COG6: variants seen among roughly 807,000 people sequenced by gnomAD.
COG6 encodes the protein component of oligomeric golgi complex 6, also known as conserved oligomeric Golgi complex subunit 6.
In COG6, 74 loss-of-function variants were observed where a neutral mutation model predicts 88.8. The ratio of observed to expected loss-of-function variants is 0.83; its 90% CI spans 0.69 to 1.01. The LOEUF (loss-of-function observed/expected upper bound fraction) is 1.01. Ranked by LOEUF, COG6 falls within the 50% of genes least tolerant of loss-of-function variation. COG6 has a pLI of 0.00. For missense variants in COG6, 800 were observed against 797.9 expected, an observed-to-expected ratio of 1.00 and a Z score of -0.03; for synonymous variants, 286 against 278.7, an observed-to-expected ratio of 1.03 and a Z score of -0.26.
chr13:39,757,279 G>A (rs964925774), downstream of COG6, among the ~76,000 whole-genome samples: 11 of 152,134 alleles, frequency 7.2e-5, 1 homozygote, highest in Non-Finnish European at 1.6e-4. Context: ...ACTCTGAGAT[G>A]AAAGTTTGTA....
chr13:39,709,025 G>C (rs2138054811), intron 13 of COG6, among the ~76,000 whole-genome samples: 1 of 152,220 alleles, frequency 6.6e-6, no homozygotes, highest in South Asian at 2.1e-4. Context: ...GGCTCAAGGA[G>C]AAATCCTGGG....
intron 18 of COG6, among the ~76,000 whole-genome samples, chr13:39,734,593 C>G (rs1163916720): frequency 6.6e-6 from 1 of 152,110 alleles, no homozygotes. Context: ...ATGAAATACT[C>G]TACAAATATT....
At chr13:39,776,946 C>A (rs1406600948) in intron 18 of COG6, among the ~76,000 whole-genome samples, 1 of 152,030 alleles carries the variant, frequency 6.6e-6, no homozygotes, top group East Asian at 1.9e-4. Flanking sequence ...TTTGTTCATT[C>A]AGCTTTTCTC....
At chr13:39,666,779 AACTT>A (rs1280481475) in intron 4 of COG6, among the ~76,000 whole-genome samples, 4 of 152,236 alleles carry the variant, frequency 2.6e-5, no homozygotes, top group African/African-American at 7.2e-5. Context: ...TAACCAATGT[AACTT>A]ACTTTTCTGT....
chr13:39,711,885 A>G (rs148088450), intron 13 of COG6, among the ~76,000 whole-genome samples: 1 of 152,274 alleles, frequency 6.6e-6, no homozygotes, highest in Non-Finnish European at 1.5e-5. Flanking sequence ...TTTGAGATTG[A>G]GTCTCGCTCT....
intron 13 of COG6, among the ~76,000 whole-genome samples, chr13:39,708,211 A>T (rs1878047111): frequency 1.3e-5 from 2 of 151,678 alleles, no homozygotes; most frequent in East Asian, 3.8e-4. Flanking sequence ...TGTTGCAGAG[A>T]GTCCTTACTG....
intron 18 of COG6, among the ~76,000 whole-genome samples, chr13:39,762,288 T>C (rs1320052148): frequency 2.0e-5 from 3 of 151,926 alleles, no homozygotes; most frequent in Non-Finnish European, 1.5e-5. Flanking sequence ...CTGCATGTTC[T>C]CACTCAGGTG....
intron 13 of COG6, among the ~76,000 whole-genome samples, chr13:39,705,621 A>T (rs374322182): frequency 6.6e-6 from 1 of 152,166 alleles, no homozygotes; most frequent in African/African-American, 2.4e-5. Context: ...AGTTAATAGT[A>T]GTCAGGATTG....
intron 3 of COG6, among the ~76,000 whole-genome samples, chr13:39,662,229 A>G (rs2137948535): frequency 6.9e-6 from 1 of 145,414 alleles, no homozygotes; most frequent in South Asian, 2.2e-4. Flanking sequence ...TTCTGAGTTC[A>G]AACAATTCTG....
At chr13:39,787,841 G>A (rs1881822541) in intron 18 of COG6, among the ~76,000 whole-genome samples, 1 of 152,210 alleles carries the variant, frequency 6.6e-6, no homozygotes, top group Admixed American at 6.5e-5. Context: ...GGGAAGATGT[G>A]TGTAGGTTAT....
chr13:39,728,719 G>C (rs1879273940), intron 18 of COG6, among the ~76,000 whole-genome samples: 1 of 151,366 alleles, frequency 6.6e-6, no homozygotes, highest in Non-Finnish European at 1.5e-5. Flanking sequence ...TCCCAGGCTA[G>C]AGTGCAGTGA....
exon 19 of COG6, chr13:39,791,105 G>A (rs1176592036): frequency 1.3e-5 from 2 of 151,994 alleles, no homozygotes; most frequent in African/African-American, 4.8e-5. Context: ...GGCTTTCAAT[G>A]ACAATCTCGC....
intron 13 of COG6, among the ~76,000 whole-genome samples, chr13:39,707,535 C>G (rs998908391): frequency 1.8e-4 from 28 of 152,272 alleles, no homozygotes; most frequent in Admixed American, 1.2e-3. Context: ...AGATATAAAA[C>G]ATTTCTAGCC....
intron 5 of COG6, chr13:39,679,208 A>G (rs996820170): frequency 2.6e-5 from 8 of 313,238 alleles, no homozygotes; most frequent in Non-Finnish European, 4.8e-5. Flanking sequence ...ACTTTTTTTC[A>G]TGTAGTAATT....
intron 18 of COG6, among the ~76,000 whole-genome samples, chr13:39,762,888 A>C (rs1881064196): frequency 6.6e-6 from 1 of 151,144 alleles, no homozygotes; most frequent in East Asian, 1.9e-4. Context: ...CTTAATTCAG[A>C]TTTCAGTATC....
At chr13:39,747,041 A>T (rs987861189) in intron 18 of COG6, among the ~76,000 whole-genome samples, 1 of 152,188 alleles carries the variant, frequency 6.6e-6, no homozygotes, top group Non-Finnish European at 1.5e-5. Flanking sequence ...AAGATTAACC[A>T]GTTCAATATT....
At chr13:39,668,660 C>T (rs1199872680) in intron 4 of COG6, among the ~76,000 whole-genome samples, 1 of 151,786 alleles carries the variant, frequency 6.6e-6, no homozygotes, top group African/African-American at 2.4e-5. Flanking sequence ...TGGTGGCGGG[C>T]ACCTGTAGTC....
intron 13 of COG6, among the ~76,000 whole-genome samples, chr13:39,712,582 T>C (rs915464537): frequency 6.6e-6 from 1 of 152,346 alleles, no homozygotes; most frequent in East Asian, 1.9e-4. Flanking sequence ...AGAAGATATG[T>C]GCCTGAAATA....
At chr13:39,689,056 C>T (rs1041836230) in intron 10 of COG6, among the ~76,000 whole-genome samples, 8 of 152,098 alleles carry the variant, frequency 5.3e-5, no homozygotes, top group Admixed American at 3.3e-4. Context: ...AAGTGTGCAT[C>T]GTTAGGTTCT....
Sources: allele counts gnomAD v4.1 joint callset (sites outside exome capture counted in the v4.1 genomes callset), GRCh38; gene constraint gnomAD v4.1.1; transcripts MANE v1.5; gene names NCBI Gene and HGNC (gene_info 2026-07-23, HGNC 2026-07-21).